The following ARPC1A variants were observed in gnomAD, a reference collection of about 807,000 sequenced individuals.
ARPC1A encodes the protein actin related protein 2/3 complex subunit 1A.
A neutral mutation model predicts 46.9 loss-of-function variants in ARPC1A; 8 were observed. That is an observed-to-expected ratio of 0.17 (90% CI 0.10 to 0.31). The LOEUF (loss-of-function observed/expected upper bound fraction) is 0.31. ARPC1A is among the 10% of genes least tolerant of loss of function. The pLI, the probability that ARPC1A is intolerant of heterozygous loss-of-function variation, is 1.00. For missense variants in ARPC1A, 286 were observed against 483.6 expected (o/e 0.59, Z 3.83); for synonymous variants, 152 against 169.0 (o/e 0.90, Z 0.78).
At chr7:99,328,037 C>T (rs998333206) in intron 1 of ARPC1A, among the ~76,000 whole-genome samples, 2 of 152,170 alleles carry the variant, frequency 1.3e-5, no homozygotes, top group African/African-American at 4.8e-5. Flanking sequence ...CGTTTCCAAG[C>T]TCAGAGGAAA....
chr7:99,345,901 G>A (rs1359503900), intron 4 of ARPC1A, among the ~76,000 whole-genome samples: 2 of 152,120 alleles, frequency 1.3e-5, no homozygotes, highest in Non-Finnish European at 2.9e-5. Flanking sequence ...TTCAAAAAGA[G>A]ATTGGGAATT....
chr7:99,329,614 T>A (rs1234545393), intron 1 of ARPC1A, among the ~76,000 whole-genome samples: 1 of 152,216 alleles, frequency 6.6e-6, no homozygotes, highest in Non-Finnish European at 1.5e-5. Flanking sequence ...CACCTGATTA[T>A]AAAAGAAGTA....
At chr7:99,363,468 A>T in intron 8 of ARPC1A, 75 bp from the exon 9 acceptor site, 1 of 1,058,172 alleles carries the variant, frequency 9.5e-7, no homozygotes, top group Middle Eastern at 2.0e-4. Context: ...AGCTGCCCTT[A>T]CACTATTAGT....
chr7:99,344,192 A>C, intron 3 of ARPC1A, 101 bp from the exon 4 acceptor site: 6 of 1,078,502 alleles, frequency 5.6e-6, no homozygotes, highest in Non-Finnish European at 8.3e-6. Flanking sequence ...GAAGGTCCCA[A>C]GACCACGTCT....
intron 4 of ARPC1A, among the ~76,000 whole-genome samples, chr7:99,345,424 A>G (rs1220103947): frequency 1.3e-5 from 2 of 151,586 alleles, no homozygotes; most frequent in African/African-American, 2.4e-5. Context: ...TATTTTAACT[A>G]CTCCTTCCTG....
intron 3 of ARPC1A, among the ~76,000 whole-genome samples, chr7:99,338,571 G>A (rs1021945818): frequency 4.6e-5 from 7 of 151,574 alleles, no homozygotes; most frequent in African/African-American, 1.7e-4. Flanking sequence ...ATTTTTAGTA[G>A]AGATAGGTTT....
chr7:99,335,522 G>T, intron 2 of ARPC1A: 1 of 317,596 alleles, frequency 3.1e-6, no homozygotes, highest in Non-Finnish European at 6.3e-6. Context: ...TTCCAACTTT[G>T]TTCTTTTCAA....
At chr7:99,345,157 A>T (rs1793426244) in intron 4 of ARPC1A, among the ~76,000 whole-genome samples, 1 of 150,326 alleles carries the variant, frequency 6.7e-6, no homozygotes, top group African/African-American at 2.4e-5. Context: ...CTGGTCATGA[A>T]CTCCTGACCT....
chr7:99,329,680 A>G (rs1453283914), intron 1 of ARPC1A, among the ~76,000 whole-genome samples: 1 of 152,248 alleles, frequency 6.6e-6, no homozygotes, highest in African/African-American at 2.4e-5. Flanking sequence ...AAAATTAGAA[A>G]TGCAATTTTA....
intron 1 of ARPC1A, among the ~76,000 whole-genome samples, chr7:99,332,042 T>C (rs1562795570): frequency 1.3e-5 from 2 of 152,250 alleles, no homozygotes; most frequent in African/African-American, 2.4e-5. Context: ...AGTTCTTCTA[T>C]AGAATGGCAC....
At chr7:99,333,286 C>T (rs1793178978) in intron 1 of ARPC1A, 39 bp from the exon 2 acceptor site, 1 of 1,330,594 alleles carries the variant, frequency 7.5e-7, no homozygotes, top group Non-Finnish European at 1.1e-6. Flanking sequence ...TTGCCTTTTC[C>T]CTATTGTATA....
At chr7:99,355,529 G>A (rs1054424809) in intron 6 of ARPC1A, among the ~76,000 whole-genome samples, 3 of 152,078 alleles carry the variant, frequency 2.0e-5, no homozygotes, top group Non-Finnish European at 4.4e-5. Flanking sequence ...TGGATCACTT[G>A]AGGTCAGGAG....
intron 8 of ARPC1A, among the ~76,000 whole-genome samples, chr7:99,361,902 G>A (rs1793746428): frequency 1.3e-5 from 2 of 152,192 alleles, no homozygotes; most frequent in South Asian, 4.1e-4. Flanking sequence ...AGGTGGCTGT[G>A]TTCCCGTCAA....
At chr7:99,349,092 C>A in intron 5 of ARPC1A, 133 bp downstream of exon 5, 1 of 892,830 alleles carries the variant, frequency 1.1e-6, no homozygotes, top group Non-Finnish European at 1.7e-6. Context: ...TCACTCTCAC[C>A]CAGGCTGGAG....
chr7:99,359,962 C>T, intron 8 of ARPC1A: 1 of 591,382 alleles, frequency 1.7e-6, no homozygotes, highest in Non-Finnish European at 3.0e-6. Flanking sequence ...CTTCAAGGTG[C>T]AGATTACAAG....
intron 2 of ARPC1A, among the ~76,000 whole-genome samples, chr7:99,334,768 G>A (rs1793211228): frequency 6.6e-6 from 1 of 151,952 alleles, no homozygotes; most frequent in African/African-American, 2.4e-5. Context: ...TGCAACCTCC[G>A]CCTCCCAGGT....
intron 7 of ARPC1A, 121 bp downstream of exon 7, chr7:99,358,536 CTTTTTT>C: frequency 4.4e-4 from 140 of 318,438 alleles, no homozygotes; most frequent in East Asian, 1.1e-3. Flanking sequence ...ACAGAGCTCA[CTTTTTT>C]TTTTTTTTTT....
At chr7:99,335,393 G>C in intron 2 of ARPC1A, 1 of 443,634 alleles carries the variant, frequency 2.3e-6, no homozygotes, top group South Asian at 1.6e-5. Context: ...GTAAAGATGA[G>C]AGTTTATTTC....
At chr7:99,333,235 C>T (rs1394499710) in intron 1 of ARPC1A, 90 bp from the exon 2 acceptor site, 41 of 814,870 alleles carry the variant, frequency 5.0e-5, no homozygotes, top group African/African-American at 8.7e-5. Flanking sequence ...TATTTATTTC[C>T]GAACATCTTA....
Sources: allele counts gnomAD v4.1 joint callset (sites outside exome capture counted in the v4.1 genomes callset), GRCh38; gene constraint gnomAD v4.1.1; transcripts MANE v1.5; gene names NCBI Gene and HGNC (gene_info 2026-07-23, HGNC 2026-07-21).